The following ESRRG variants were observed in gnomAD, a reference collection of about 807,000 sequenced individuals.
ESRRG encodes estrogen-related receptor gamma.
Under a neutral mutation model 44.0 loss-of-function variants are expected in ESRRG, and 13 were observed. The ratio of observed to expected loss-of-function variants is 0.30; its 90% CI spans 0.19 to 0.47. ESRRG has a LOEUF of 0.47. Ranked by LOEUF, ESRRG falls within the 20% of genes least tolerant of loss-of-function variation. ESRRG has a pLI of 1.00. For synonymous variants in ESRRG, 215 were observed against 214.6 expected (o/e 1.00, Z -0.02); for missense variants, 395 against 580.6 (o/e 0.68, Z 3.29).
At chr1:216,925,879 G>T (rs1415838800) in intron 2 of ESRRG, among the ~76,000 whole-genome samples, 1 of 151,884 alleles carries the variant, frequency 6.6e-6, no homozygotes, top group Non-Finnish European at 1.5e-5. Context: ...GAACCCGGGG[G>T]GTGGAGGTTG....
At chr1:217,052,751 C>T (rs1347227658) in intron 1 of ESRRG, among the ~76,000 whole-genome samples, 2 of 152,142 alleles carry the variant, frequency 1.3e-5, no homozygotes, top group Non-Finnish European at 2.9e-5. Flanking sequence ...ATGAGGACTG[C>T]AATCTGGCTA....
intron 1 of ESRRG, among the ~76,000 whole-genome samples, chr1:217,019,883 C>T (rs568284912): frequency 1.3e-5 from 2 of 152,292 alleles, no homozygotes; most frequent in East Asian, 1.9e-4. Context: ...TCAAAAATCT[C>T]TTTCTACATC....
Position 216,569,158 on chromosome 1 carries a change from G to GAGGGAAGGGA in ESRRG, c.590-1070_590-1061dup, listed in dbSNP as rs1287968465. ...AAAGAAGGAAAGAAGAGTGGAAGAG[G>GAGGGAAGGGA]AGGGAAGGGAAGGGAAGGGAAGGGA... On this transcript the variant is annotated intron_variant, in intron 3 of 6. Coordinates refer to ENST00000408911, the MANE Select transcript of ESRRG (RefSeq NM_001438.4). Among the ~76,000 whole-genome samples, 261 of 48,958 alleles carry GAGGGAAGGGA rather than the reference G, an allele frequency of 5.3e-3. 8 individuals are homozygous for GAGGGAAGGGA. Among genetic ancestry groups the GAGGGAAGGGA allele is most frequent in the Middle Eastern group, 0.025 (2 of 80 alleles). 32.1% of individuals were successfully genotyped at this position (48,958 alleles called of 152,430 possible). A position where few individuals can be genotyped will look rare whatever the true frequency, so the allele number is the denominator to read the frequency against.
intron 1 of ESRRG, among the ~76,000 whole-genome samples, chr1:217,057,148 A>G (rs1385985584): frequency 2.0e-5 from 3 of 152,186 alleles, no homozygotes; most frequent in Non-Finnish European, 2.9e-5. Context: ...CATATGGAAC[A>G]AGAGTCTAAA....
chr1:216,608,520 C>T (rs886540748), intron 3 of ESRRG, among the ~76,000 whole-genome samples: 9 of 152,176 alleles, frequency 5.9e-5, no homozygotes, highest in Non-Finnish European at 1.3e-4. Context: ...CCTAATCCTT[C>T]CTGGAGCTCC....
intron 5 of ESRRG, among the ~76,000 whole-genome samples, chr1:216,530,782 A>T (rs2049137904): frequency 6.6e-6 from 1 of 152,192 alleles, no homozygotes; most frequent in African/African-American, 2.4e-5. Flanking sequence ...ACATAACTTC[A>T]AATCCTTTCA....
chr1:217,034,765 G>T (rs967856881), intron 1 of ESRRG, among the ~76,000 whole-genome samples: 1 of 152,190 alleles, frequency 6.6e-6, no homozygotes, highest in Admixed American at 6.5e-5. Context: ...GGAGGACAGG[G>T]ACCAGGCTGC....
At chr1:216,652,578 C>A (rs1210915127) in intron 2 of ESRRG, among the ~76,000 whole-genome samples, 2 of 151,902 alleles carry the variant, frequency 1.3e-5, no homozygotes, top group Non-Finnish European at 2.9e-5. Context: ...ATAAAAGCAA[C>A]AACTTTTTAA....
intron 2 of ESRRG, among the ~76,000 whole-genome samples, chr1:216,786,880 A>G (rs2094144263): frequency 6.6e-6 from 1 of 152,170 alleles, no homozygotes; most frequent in Non-Finnish European, 1.5e-5. Flanking sequence ...CCATCTGTGA[A>G]TGAACTTATT....
chr1:217,120,435 C>T (rs2092803727), intron 1 of ESRRG, among the ~76,000 whole-genome samples: 1 of 151,240 alleles, frequency 6.6e-6, no homozygotes, highest in Non-Finnish European at 1.5e-5. Flanking sequence ...CAAATTCATT[C>T]TTCACACAGT....
intron 3 of ESRRG, among the ~76,000 whole-genome samples, chr1:216,605,763 C>G (rs1427354918): frequency 1.3e-5 from 2 of 151,010 alleles, no homozygotes; most frequent in Non-Finnish European, 2.9e-5. Flanking sequence ...TAGAGGAACT[C>G]TAATAAAAAT....
At chr1:216,927,943 T>C (rs1402583499) in intron 2 of ESRRG, among the ~76,000 whole-genome samples, 3 of 152,220 alleles carry the variant, frequency 2.0e-5, no homozygotes, top group African/African-American at 7.2e-5. Context: ...AGTTCCAATC[T>C]TTAACTTCGA....
At chr1:216,823,608 C>T (rs1576951682) in intron 2 of ESRRG, among the ~76,000 whole-genome samples, 1 of 152,176 alleles carries the variant, frequency 6.6e-6, no homozygotes, top group Non-Finnish European at 1.5e-5. Context: ...AATCACTTAA[C>T]TTTATTTCCA....
intron 2 of ESRRG, among the ~76,000 whole-genome samples, chr1:216,672,847 A>C (rs2075442914): frequency 6.6e-6 from 1 of 152,074 alleles, no homozygotes; most frequent in South Asian, 2.1e-4. Context: ...AGCCTGGGCA[A>C]CACAGTGAGA....
intron 1 of ESRRG, among the ~76,000 whole-genome samples, chr1:216,695,189 G>A (rs2079888519): frequency 6.6e-6 from 1 of 151,780 alleles, no homozygotes; most frequent in South Asian, 2.1e-4. Context: ...CTTTGACAAA[G>A]TACGATTTTT....
At chr1:216,893,028 C>T (rs765574729) in intron 2 of ESRRG, among the ~76,000 whole-genome samples, 8 of 152,206 alleles carry the variant, frequency 5.3e-5, no homozygotes, top group Non-Finnish European at 7.3e-5. Context: ...AGACTACTCA[C>T]AATCTGGTCC....
chr1:217,091,884 T>C (rs528063564), upstream of ESRRG, among the ~76,000 whole-genome samples: 5 of 152,320 alleles, frequency 3.3e-5, no homozygotes, highest in South Asian at 8.3e-4. Flanking sequence ...TTATTAACCT[T>C]GGAATTGGAC....
intron 2 of ESRRG, among the ~76,000 whole-genome samples, chr1:216,784,523 T>G (rs1429550977): frequency 6.6e-6 from 1 of 152,056 alleles, no homozygotes; most frequent in African/African-American, 2.4e-5. Flanking sequence ...TGAGTTTCAA[T>G]AGAGAAGGAA....
chr1:216,890,476 T>C (rs2057624518), intron 2 of ESRRG, among the ~76,000 whole-genome samples: 1 of 152,152 alleles, frequency 6.6e-6, no homozygotes, highest in South Asian at 2.1e-4. Context: ...TCCAACTTTA[T>C]TGTTCAGGAG....
Sources: allele counts gnomAD v4.1 joint callset (sites outside exome capture counted in the v4.1 genomes callset), GRCh38; gene constraint gnomAD v4.1.1; transcripts MANE v1.5; gene names NCBI Gene and HGNC (gene_info 2026-07-23, HGNC 2026-07-21).